ATRNL1: variants seen among roughly 807,000 people sequenced by gnomAD.
The protein encoded by ATRNL1 is attractin-like protein 1.
A neutral mutation model predicts 182.7 loss-of-function variants in ATRNL1; 95 were observed. The observed-to-expected ratio is 0.52, with a 90% CI of 0.44 to 0.62. ATRNL1 has a LOEUF of 0.62. Among genes scored for constraint, ATRNL1 ranks in the 20% least tolerant of loss-of-function variants. ATRNL1 has a pLI of 0.00. For missense variants in ATRNL1, 1,471 were observed against 1,679.5 expected (o/e 0.88, Z 2.17); for synonymous variants, 576 against 568.3 (o/e 1.01, Z -0.19).
At chr10:115,727,881 AAT>A (rs1206777134) in intron 27 of ATRNL1, among the ~76,000 whole-genome samples, 1 of 152,132 alleles carries the variant, frequency 6.6e-6, no homozygotes, top group South Asian at 2.1e-4. Flanking sequence ...CAAAGGCAGA[AAT>A]AGAGTATGAT....
chr10:115,927,647 AAT>A (rs1555120632), intron 28 of ATRNL1, among the ~76,000 whole-genome samples: 1 of 152,122 alleles, frequency 6.6e-6, no homozygotes, highest in Non-Finnish European at 1.5e-5. Context: ...AAATATTTGC[AAT>A]ACAGTATATT....
At chr10:115,616,193 G>T (rs1190366556) in intron 26 of ATRNL1, among the ~76,000 whole-genome samples, 2 of 152,190 alleles carry the variant, frequency 1.3e-5, no homozygotes, top group Non-Finnish European at 2.9e-5. Context: ...TAGCTGCATT[G>T]TATTGTTGCC....
At chr10:115,872,842 C>A (rs1555106420) in intron 28 of ATRNL1, among the ~76,000 whole-genome samples, 1 of 152,182 alleles carries the variant, frequency 6.6e-6, no homozygotes, top group Admixed American at 6.5e-5. Context: ...AATGAGGAAC[C>A]CATCAGGAAA....
In ATRNL1 at chr10:115,215,752, T is replaced by C; in HGVS notation, c.1404T>C (p.Tyr468=). ...ETKGAIVQGG[Y]GHTSVYDEIT... ...AAGGAGCTATTGTACAAGGTGGATATGGCCATACTAGTGTGTATGATGAAA... is the reference window on the plus strand; with the variant it reads ...AAGGAGCTATTGTACAAGGTGGATACGGCCATACTAGTGTGTATGATGAAA... Residue 468 remains tyrosine, a synonymous_variant, in exon 9 of 29, where the codon TAT becomes TAC. Coordinates refer to ENST00000355044, the MANE Select transcript of ATRNL1 (RefSeq NM_207303.4). The C allele has an allele frequency of 6.2e-7, 1 of 1,609,218 alleles. No homozygotes were observed. Among genetic ancestry groups the C allele is most frequent in the Non-Finnish European group, 8.5e-7 (1 of 1,178,296 alleles).
At chr10:115,501,043 C>T (rs912148465) in intron 24 of ATRNL1, among the ~76,000 whole-genome samples, 8 of 149,866 alleles carry the variant, frequency 5.3e-5, no homozygotes, top group African/African-American at 2.0e-4. Context: ...ATTCTCCTTC[C>T]TGCCTTAGCC....
chr10:115,256,677 AG>A (rs780046708), intron 10 of ATRNL1, among the ~76,000 whole-genome samples: 55 of 151,864 alleles, frequency 3.6e-4, no homozygotes, highest in Non-Finnish European at 6.8e-4. Context: ...GCCTTCCGCT[AG>A]CTTTTTGAAT....
At chr10:115,512,447 A>T (rs1224918072) in intron 24 of ATRNL1, among the ~76,000 whole-genome samples, 1 of 151,736 alleles carries the variant, frequency 6.6e-6, no homozygotes, top group African/African-American at 2.4e-5. Flanking sequence ...TCCTAAGAAT[A>T]CTCCTGTGCT....
intron 26 of ATRNL1, among the ~76,000 whole-genome samples, chr10:115,555,879 G>A (rs181658024): frequency 1.1e-3 from 164 of 151,970 alleles, no homozygotes; most frequent in Non-Finnish European, 1.9e-3. Context: ...TTTAAGTTAG[G>A]CACTTAATAA....
intron 27 of ATRNL1, among the ~76,000 whole-genome samples, chr10:115,833,651 A>G (rs1464219321): frequency 6.6e-6 from 1 of 152,184 alleles, no homozygotes; most frequent in Non-Finnish European, 1.5e-5. Context: ...CCTTACAACA[A>G]TCCAGTGAAG....
intron 6 of ATRNL1, among the ~76,000 whole-genome samples, chr10:115,163,161 A>G (rs1554883642): frequency 6.6e-6 from 1 of 151,556 alleles, no homozygotes; most frequent in African/African-American, 2.4e-5. Flanking sequence ...AAGACAAAAT[A>G]TGGTGATGTA....
At chr10:115,405,665 A>C (rs1235345320) in intron 20 of ATRNL1, among the ~76,000 whole-genome samples, 1 of 151,680 alleles carries the variant, frequency 6.6e-6, no homozygotes, top group Admixed American at 6.6e-5. Flanking sequence ...ATATAATTAT[A>C]ACACACTTCA....
intron 27 of ATRNL1, among the ~76,000 whole-genome samples, chr10:115,765,777 C>T (rs1948842798): frequency 6.6e-6 from 1 of 152,144 alleles, no homozygotes; most frequent in Admixed American, 6.6e-5. Context: ...TTGCATTTTA[C>T]ATTTAGGTCT....
chr10:115,126,612 T>G (rs937184685), intron 3 of ATRNL1, among the ~76,000 whole-genome samples: 4 of 152,232 alleles, frequency 2.6e-5, no homozygotes, highest in Non-Finnish European at 2.9e-5. Context: ...TTGATTACTT[T>G]TTAACTTGTT....
rs549049988 is a variant in ATRNL1 at position 115,250,684 on chromosome 10, C to G, written c.1687+8959C>G. 2.0e-5 allele frequency among the ~76,000 whole-genome samples: 3 copies of G among 152,274 alleles called. No homozygotes were observed. The South Asian group carries it at 6.2e-4, about 32-fold the overall frequency. On this transcript the variant is annotated intron_variant, in intron 10 of 28. Coordinates refer to ENST00000355044, the MANE Select transcript of ATRNL1 (RefSeq NM_207303.4). ...GGGAGTTGCAAGATGCATAATTGGT[C>G]TTTTAATTCAGATGAGCTGTCTGAG...
chr10:115,497,340 AG>A (rs1849599997), intron 24 of ATRNL1, among the ~76,000 whole-genome samples: 1 of 152,166 alleles, frequency 6.6e-6, no homozygotes, highest in Non-Finnish European at 1.5e-5. Context: ...TGATCTTCAT[AG>A]GGGATCTAAG....
chr10:115,127,816 C>T (rs782591484), intron 4 of ATRNL1, 95 bp downstream of exon 4: 249 of 821,848 alleles, frequency 3.0e-4, no homozygotes, highest in Non-Finnish European at 4.1e-4. Context: ...TCTTGTATAC[C>T]AGAAGCAGGC....
intron 5 of ATRNL1, among the ~76,000 whole-genome samples, chr10:115,152,794 G>A (rs917802090): frequency 3.9e-5 from 6 of 152,086 alleles, no homozygotes; most frequent in African/African-American, 7.2e-5. Flanking sequence ...TCTTGTGCCC[G>A]TTTTCAAAGG....
intron 13 of ATRNL1, among the ~76,000 whole-genome samples, chr10:115,281,098 A>G (rs1852339481): frequency 6.6e-6 from 1 of 152,212 alleles, no homozygotes; most frequent in South Asian, 2.1e-4. Flanking sequence ...TTACAAGAAT[A>G]TGCTTGTAAG....
intron 8 of ATRNL1, among the ~76,000 whole-genome samples, chr10:115,180,893 T>C (rs991016273): frequency 1.3e-5 from 2 of 152,090 alleles, no homozygotes; most frequent in African/African-American, 2.4e-5. Context: ...GTAAATAGTT[T>C]AGGCTTTGTA....
Sources: gnomAD v4.1 joint callset for allele counts (sites outside exome capture counted in the v4.1 genomes callset) on GRCh38, gnomAD v4.1.1 for gene constraint, MANE v1.5 for transcripts, NCBI Gene and HGNC (gene_info 2026-07-23, HGNC 2026-07-21) for gene names.